The following REV1 variants were observed in gnomAD, a reference collection of about 807,000 sequenced individuals.
REV1 encodes the protein REV1 DNA directed polymerase.
A neutral mutation model predicts 137.4 loss-of-function variants in REV1; 42 were observed. The ratio of observed to expected loss-of-function variants is 0.31; its 90% CI spans 0.24 to 0.40. REV1 has a LOEUF of 0.40. Among genes scored for constraint, REV1 ranks in the 10% least tolerant of loss-of-function variants. REV1 has a pLI of 1.00. For missense variants in REV1, 1,282 were observed against 1,490.1 expected (o/e 0.86, Z 2.30); for synonymous variants, 524 against 519.2 (o/e 1.01, Z -0.12).
chr2:99,402,789 A>G lies in REV1; in HGVS notation c.3396T>C (p.Ser1132=). ...GGCCTGGCACACCTGAAGTAGAAGCAGAGAGTTCTTCCTGTTAAGAAAACA... is the reference window on the plus strand; with the variant it reads ...GGCCTGGCACACCTGAAGTAGAAGCGGAGAGTTCTTCCTGTTAAGAAAACA... ...PPAEKPLEEL[S]ASTSGVPGLS... The change falls in exon 21 of 23, where the codon TCT becomes TCC. Residue 1132 remains serine (S), a synonymous_variant. Transcript: ENST00000258428. 6.2e-7 allele frequency: 1 copy of G among 1,614,232 alleles called. No individual in the cohort carries two copies. The highest frequency in any genetic ancestry group is 1.3e-5 in the African/African-American group (1 of 75,066).
intron 8 of REV1, 54 bp downstream of exon 8, chr2:99,434,278 A>C (rs13409359): frequency 0.13 from 156,227 of 1,193,474 alleles, 12,219 homozygotes; most frequent in African/African-American, 0.29. Flanking sequence ...CAAATAGCAA[A>C]ATCCAGAAGC....
At chr2:99,447,275 C>T (rs1361924744) in intron 4 of REV1, among the ~76,000 whole-genome samples, 3 of 151,872 alleles carry the variant, frequency 2.0e-5, no homozygotes, top group Non-Finnish European at 2.9e-5. Context: ...CAGGTTCAAG[C>T]GATTCTCCTG....
chr2:99,441,610 T>C (rs1419297176), intron 5 of REV1, among the ~76,000 whole-genome samples: 5 of 152,192 alleles, frequency 3.3e-5, no homozygotes, highest in Non-Finnish European at 7.4e-5. Flanking sequence ...CCAGAAATAT[T>C]AACATTTTCA....
At chr2:99,477,584 AAT>A (rs1686124244) in intron 1 of REV1, among the ~76,000 whole-genome samples, 3 of 152,242 alleles carry the variant, frequency 2.0e-5, no homozygotes, top group African/African-American at 7.2e-5. Context: ...TGAGCATTTT[AAT>A]ATGATTTTGA....
intron 1 of REV1, among the ~76,000 whole-genome samples, chr2:99,478,833 G>A (rs768220157): frequency 2.0e-5 from 3 of 152,166 alleles, no homozygotes; most frequent in Non-Finnish European, 2.9e-5. Context: ...ATTTCCAGCT[G>A]GACTGCGGCA....
At chr2:99,436,132 A>C (rs80087568) in intron 6 of REV1, among the ~76,000 whole-genome samples, 191 bp from the exon 7 acceptor site, 1 of 151,542 alleles carries the variant, frequency 6.6e-6, no homozygotes, top group African/African-American at 2.4e-5. Flanking sequence ...GTCTCTAATT[A>C]GTCAAAAAGT....
chr2:99,426,862 T>C (rs143544613), intron 9 of REV1, among the ~76,000 whole-genome samples: 138 of 152,156 alleles, frequency 9.1e-4, no homozygotes, highest in African/African-American at 3.2e-3. Context: ...GTTCAGACAG[T>C]TGTATTTGGT....
chr2:99,444,756 GATAT>G, intron 4 of REV1, among the ~76,000 whole-genome samples: 1 of 152,200 alleles, frequency 6.6e-6, no homozygotes, highest in South Asian at 2.1e-4. Flanking sequence ...TCTATCTATA[GATAT>G]ATAGACAGAA....
At chr2:99,423,733 A>C (rs1657012304) in intron 10 of REV1, among the ~76,000 whole-genome samples, 1 of 152,236 alleles carries the variant, frequency 6.6e-6, no homozygotes, top group Non-Finnish European at 1.5e-5. Flanking sequence ...TTAAGAAGAT[A>C]AAGGTTTTAA....
intron 3 of REV1, among the ~76,000 whole-genome samples, chr2:99,455,412 C>A (rs1008689651): frequency 6.6e-6 from 1 of 152,202 alleles, no homozygotes; most frequent in African/African-American, 2.4e-5. Flanking sequence ...CTACCTCAGA[C>A]TTACCAACAG....
intron 3 of REV1, among the ~76,000 whole-genome samples, chr2:99,460,210 G>A (rs1052288648): frequency 8.5e-5 from 13 of 152,122 alleles, no homozygotes; most frequent in Non-Finnish European, 1.9e-4. Context: ...CCGAGTAGCT[G>A]GGACTACAGG....
At chr2:99,453,177 G>A (rs1683114416) in intron 3 of REV1, among the ~76,000 whole-genome samples, 1 of 152,052 alleles carries the variant, frequency 6.6e-6, no homozygotes, top group African/African-American at 2.4e-5. Flanking sequence ...TGGCCAACAT[G>A]GTGAAACCCC....
intron 2 of REV1, 56 bp downstream of exon 2, chr2:99,464,866 G>T: frequency 1.3e-6 from 2 of 1,502,222 alleles, no homozygotes; most frequent in African/African-American, 1.4e-5. Flanking sequence ...TATAACAGAA[G>T]AATGAAAAAT....
chr2:99,419,697 CAG>C (rs1420533334), intron 11 of REV1, among the ~76,000 whole-genome samples: 2 of 152,142 alleles, frequency 1.3e-5, no homozygotes, highest in Non-Finnish European at 2.9e-5. Flanking sequence ...CCTCAAAACA[CAG>C]AGACAGGCAG....
chr2:99,431,612 TA>T, intron 8 of REV1: 1 of 534,540 alleles, frequency 1.9e-6, no homozygotes, highest in Non-Finnish European at 2.4e-6. Context: ...GCTAGTTATC[TA>T]AGATATTGTC....
At chr2:99,478,101 G>A (rs1174150191) in intron 1 of REV1, among the ~76,000 whole-genome samples, 2 of 152,240 alleles carry the variant, frequency 1.3e-5, no homozygotes, top group Admixed American at 6.5e-5. Flanking sequence ...GCGTGGTGGT[G>A]CACACCTGTA....
At chr2:99,459,024 C>T (rs182980184) in intron 3 of REV1, among the ~76,000 whole-genome samples, 352 of 152,048 alleles carry the variant, frequency 2.3e-3, no homozygotes, top group Middle Eastern at 6.8e-3. Flanking sequence ...CTGGCTAACA[C>T]GGTGAAACCC....
rs1289704878 is a variant in REV1 at position 99,405,965 on chromosome 2, G to C, written c.2756C>G (p.Pro919Arg). 16 of 1,613,194 alleles carry C rather than the reference G, an allele frequency of 9.9e-6. No individual in the cohort carries two copies. The highest frequency in any genetic ancestry group is 1.4e-5 in the Non-Finnish European group (16 of 1,179,560). ...GTTAAGTCTCGACTGCACACTGACA[G>C]GAGTATGTAGACCATTCCATTTCCC... Reference protein sequence around the residue: ...SSGKWNGLHTPVSVQSRLNLS... With the variant: ...SSGKWNGLHTRVSVQSRLNLS... Residue 919 changes from proline to arginine, a missense_variant, in exon 17 of 23, where the codon CCT (proline) becomes CGT (arginine). Coordinates refer to ENST00000258428, the MANE Select transcript of REV1 (RefSeq NM_016316.4).
intron 1 of REV1, among the ~76,000 whole-genome samples, chr2:99,470,621 T>G (rs1444942168): frequency 6.6e-6 from 1 of 152,244 alleles, no homozygotes; most frequent in Non-Finnish European, 1.5e-5. Flanking sequence ...TTGAAGGTGT[T>G]TTTACCTTTC....
Sources: allele counts gnomAD v4.1 joint callset (sites outside exome capture counted in the v4.1 genomes callset), GRCh38; gene constraint gnomAD v4.1.1; transcripts MANE v1.5; gene names NCBI Gene and HGNC (gene_info 2026-07-23, HGNC 2026-07-21).